Variants in PSG8 observed in about 807,000 individuals in gnomAD.
PSG8 encodes pregnancy-specific beta-1-glycoprotein 8.
In PSG8, 57 loss-of-function variants were observed where a neutral mutation model predicts 42.5. That is an observed-to-expected ratio of 1.34 (90% CI 1.08 to 1.67). The LOEUF (loss-of-function observed/expected upper bound fraction) is 1.67. Among genes scored for constraint, PSG8 ranks in the 40% most tolerant of loss-of-function variants. The pLI is 0.00. For missense variants in PSG8, 783 were observed against 518.6 expected, an observed-to-expected ratio of 1.51 and a Z score of -4.95; for synonymous variants, 280 against 196.8, an observed-to-expected ratio of 1.42 and a Z score of -3.54.
chr19:42,755,281 G>A lies in PSG8; in HGVS notation c.710-15C>T. ...GGGCAGCTTCGCTGTGTGGATAACAGAGAGAAGATTGTCCTGTGTGGCACC... is the reference window on the plus strand; with the variant it reads ...GGGCAGCTTCGCTGTGTGGATAACAAAGAGAAGATTGTCCTGTGTGGCACC... On this transcript the variant is annotated splice_polypyrimidine_tract_variant and intron_variant, in intron 3 of 4. Transcript: ENST00000306511. The A allele has an allele frequency of 6.2e-7, 1 of 1,608,032 alleles. No individual in the cohort carries two copies. Among genetic ancestry groups the A allele is most frequent in the African/African-American group, 1.3e-5 (1 of 74,770 alleles).
At position 42,755,012 on chromosome 19, in the gene PSG8, A is replaced by C. The variant is rs111674083; in HGVS notation, c.964T>G (p.Tyr322Asp). The C allele has an allele frequency of 6.5e-3, 10,505 of 1,613,292 alleles. 522 individuals carry two copies. The African/African-American group carries it at 0.12, about 18-fold the overall frequency. ...CAGAGGACATTCAGGGTGACTGGGT[A>C]ACTGCGGATGCCACCATATTGGTCC... ...IRDQYGGIRS[Y>D]PVTLNVLYGP... Residue 322 changes from tyrosine to aspartate, a missense_variant, in exon 4 of 5, where the codon TAC (tyrosine) becomes GAC (aspartate). Transcript: ENST00000306511.
downstream of PSG8, chr19:42,754,106 A>T: frequency 2.5e-6 from 3 of 1,200,124 alleles, no homozygotes; most frequent in South Asian, 3.1e-5. Flanking sequence ...ATTGAAATCA[A>T]TGTTTTTCCT....
chr19:42,759,116 G>A (rs565432277), intron 2 of PSG8, among the ~76,000 whole-genome samples: 3 of 152,156 alleles, frequency 2.0e-5, no homozygotes, highest in Admixed American at 6.5e-5. Flanking sequence ...TGGAAAGGGC[G>A]AACATGAACA....
chr19:42,758,407 G>C, intron 2 of PSG8, 127 bp from the exon 3 acceptor site: 1 of 1,518,266 alleles, frequency 6.6e-7, no homozygotes, highest in Non-Finnish European at 8.8e-7. Context: ...CATGGCAGGT[G>C]TGTGTGTTGC....
At chr19:42,755,707 A>G (rs1969907805) in intron 3 of PSG8, 2 of 215,186 alleles carry the variant, frequency 9.3e-6, no homozygotes, top group East Asian at 2.1e-4. Context: ...TCTAGAGATG[A>G]GTAATGATGG....
chr19:42,755,188 T>C lies in PSG8; in HGVS notation c.788A>G (p.Glu263Gly). 1 of 1,611,886 alleles carries C rather than the reference T, an allele frequency of 6.2e-7. No homozygotes were observed. The highest frequency in any genetic ancestry group is 8.5e-7 in the Non-Finnish European group (1 of 1,179,786). The change falls in exon 4 of 5, where the codon GAA becomes GGA. Residue 263 changes from glutamate to glycine, a missense_variant. Glu to Gly is a moderately conservative substitution (Grantham distance 98). Transcript: ENST00000306511. ...GTAGGTGTAGTTCTCACTCTTAGGT[T>C]CACAGGTGAAGTTTAAGACATCCTT... ...ENKDVLNFTC[E>G]PKSENYTYIW...
chr19:42,765,602 TCTC>T lies in PSG8; in HGVS notation c.-24_-22del. On this transcript the variant is annotated 5_prime_UTR_variant, in exon 1 of 5. Transcript: ENST00000306511. ...CCCATGGTCTCTGCTGTCTGTGTGT[TCTC>T]CTCTGTGGAGATGAGCCTAGGATCC... 14 of 1,608,854 alleles carry T rather than the reference TCTC, an allele frequency of 8.7e-6. No homozygotes were observed. Among genetic ancestry groups the T allele is most frequent in the Non-Finnish European group, 1.2e-5 (14 of 1,176,626 alleles).
chr19:42,755,010 G>A lies in PSG8; in HGVS notation c.966C>T (p.Tyr322=), dbSNP rs1291232906. The change falls in exon 4 of 5, where the codon TAC becomes TAT. Residue 322 remains tyrosine (Y), a synonymous_variant. Coordinates refer to ENST00000306511, the MANE Select transcript of PSG8 (RefSeq NM_182707.3). ...CACAGAGGACATTCAGGGTGACTGG[G>A]TAACTGCGGATGCCACCATATTGGT... ...IRDQYGGIRS[Y]PVTLNVLYGP... is the part of the protein sequence containing the mutation. The A allele has an allele frequency of 6.2e-7, 1 of 1,613,442 alleles. No individual in the cohort carries two copies. Among genetic ancestry groups the A allele is most frequent in the South Asian group, 1.1e-5 (1 of 91,056 alleles).
At chr19:42,765,403 CA>C (rs1970192126) in intron 1 of PSG8, 114 bp downstream of exon 1, 1 of 1,502,352 alleles carries the variant, frequency 6.7e-7, no homozygotes, top group African/African-American at 1.4e-5. Context: ...CCACCTGCCT[CA>C]GCCTCCCAAA....
intron 2 of PSG8, among the ~76,000 whole-genome samples, chr19:42,760,330 C>A (rs886825769): frequency 2.0e-5 from 3 of 152,276 alleles, no homozygotes; most frequent in African/African-American, 7.2e-5. Flanking sequence ...TCCCCAAAAC[C>A]ACCAGTATTC....
At chr19:42,758,465 T>A (rs1420406540) in intron 2 of PSG8, 185 bp from the exon 3 acceptor site, 3 of 1,285,756 alleles carry the variant, frequency 2.3e-6, no homozygotes, top group Non-Finnish European at 3.2e-6. Context: ...TGAGGCTGCC[T>A]GCTTCATGTA....
chr19:42,765,063 C>A (rs371351827), intron 1 of PSG8, among the ~76,000 whole-genome samples: 25,576 of 151,812 alleles, frequency 0.17, 3,800 homozygotes, highest in African/African-American at 0.4. Context: ...ATTCTGGTTC[C>A]TGTGACTTTC....
At chr19:42,754,025 C>G, downstream of PSG8, 1 of 885,132 alleles carries the variant, frequency 1.1e-6, no homozygotes, top group South Asian at 1.6e-5. Context: ...AGAAAACAAA[C>G]CATTTAAAGA....
chr19:42,754,378 C>G lies in PSG8; in HGVS notation c.1198G>C (p.Ala400Pro), dbSNP rs747091663. The change falls in exon 5 of 5, where the codon GCC (alanine) becomes CCC (proline). Residue 400 changes from alanine to proline, a missense_variant. Transcript: ENST00000306511. ...GATTTGGAGCTTTCCTTGCCAGTGG[C>G]TGAGTTACGAACAGAGCAAGCATAG... ...GLYACSVRNS[A>P]TGKESSKSMT... 1.9e-6 allele frequency: 3 copies of G among 1,613,660 alleles called. No individual in the cohort carries two copies. The highest frequency in any genetic ancestry group is 1.7e-5 in the Admixed American group (1 of 59,976).
chr19:42,759,573 T>C (rs891171720), intron 2 of PSG8, among the ~76,000 whole-genome samples: 1 of 152,158 alleles, frequency 6.6e-6, no homozygotes, highest in Admixed American at 6.5e-5. Flanking sequence ...GAGCACTTCT[T>C]TTTAGCATCA....
chr19:42,755,721 T>C (rs1969908219), intron 3 of PSG8: 1 of 195,674 alleles, frequency 5.1e-6, no homozygotes, highest in Admixed American at 5.3e-5. Context: ...ATGATGGGAC[T>C]ACCCATGGTC....
At chr19:42,759,898 T>A (rs549367732) in intron 2 of PSG8, among the ~76,000 whole-genome samples, 28 of 152,178 alleles carry the variant, frequency 1.8e-4, no homozygotes, top group East Asian at 5.8e-4. Flanking sequence ...AAGATGCCAA[T>A]GGTGATTTGA....
chr19:42,753,217 T>G, downstream of PSG8: 1 of 772,474 alleles, frequency 1.3e-6, no homozygotes, highest in Non-Finnish European at 2.4e-6. Context: ...GAGTTCTGAG[T>G]GGCTCACCCT....
Position 42,762,354 on chromosome 19 carries a change from A to G in PSG8, c.430+1562T>C, listed in dbSNP as rs558090416. Among the ~76,000 whole-genome samples the G allele has an allele frequency of 1.1e-3, 173 of 151,766 alleles. 1 individual carries two copies. Among genetic ancestry groups the G allele is most frequent in the Middle Eastern group, 3.4e-3 (1 of 292 alleles). On this transcript the variant is annotated intron_variant, in intron 2 of 4. Coordinates refer to ENST00000306511, the MANE Select transcript of PSG8 (RefSeq NM_182707.3). ...GACCAAAGAGCCCTGAGAACCCTCC[A>G]GTGGCCAAAGAGCTTCAGAATTACA... is the stretch of plus-strand genomic sequence containing the variant.
Sources: allele counts gnomAD v4.1 joint callset (sites outside exome capture counted in the v4.1 genomes callset), GRCh38; gene constraint gnomAD v4.1.1; transcripts MANE v1.5; gene names NCBI Gene and HGNC (gene_info 2026-07-23, HGNC 2026-07-21).